Variants in ZNF385D observed in about 807,000 individuals in gnomAD.
ZNF385D encodes the protein zinc finger protein 659.
Under a neutral mutation model 35.8 loss-of-function variants are expected in ZNF385D, and 15 were observed. That is an observed-to-expected ratio of 0.42 (90% CI 0.28 to 0.64). The LOEUF (loss-of-function observed/expected upper bound fraction) is 0.64, where lower values mean the gene tolerates loss of function less well. Ranked by LOEUF, ZNF385D falls within the 30% of genes least tolerant of loss-of-function variation. The pLI is 0.23. For synonymous variants in ZNF385D, 212 were observed against 186.8 expected (o/e 1.13, Z -1.10); for missense variants, 474 against 494.6 (o/e 0.96, Z 0.39).
intron 3 of ZNF385D, among the ~76,000 whole-genome samples, chr3:21,885,444 C>T (rs991197917): frequency 6.6e-6 from 1 of 151,772 alleles, no homozygotes; most frequent in Admixed American, 6.6e-5. Context: ...TAGTGAATTT[C>T]ACAAGTTTAC....
intron 3 of ZNF385D, among the ~76,000 whole-genome samples, chr3:22,167,038 T>C (rs900928039): frequency 6.6e-6 from 1 of 152,234 alleles, no homozygotes; most frequent in African/African-American, 2.4e-5. Context: ...TTGCTAGTGA[T>C]AGCGGTAGGA....
At chr3:21,967,374 T>G (rs981359309) in intron 3 of ZNF385D, among the ~76,000 whole-genome samples, 2 of 152,222 alleles carry the variant, frequency 1.3e-5, no homozygotes, top group Non-Finnish European at 2.9e-5. Flanking sequence ...AAAAATTGAA[T>G]AAATCAAAAT....
chr3:21,438,218 C>G (rs1701671155), intron 4 of ZNF385D, among the ~76,000 whole-genome samples: 1 of 152,110 alleles, frequency 6.6e-6, no homozygotes, highest in Non-Finnish European at 1.5e-5. Context: ...TCCTATCTAC[C>G]CATATACTAC....
intron 3 of ZNF385D, among the ~76,000 whole-genome samples, chr3:22,138,558 A>C (rs567022709): frequency 1.9e-4 from 29 of 151,452 alleles, no homozygotes; most frequent in South Asian, 6.3e-4. Flanking sequence ...CAAAAACAAG[A>C]AATGGGGAAA....
intron 2 of ZNF385D, among the ~76,000 whole-genome samples, chr3:22,267,552 C>T (rs1425481593): frequency 1.3e-5 from 2 of 151,804 alleles, no homozygotes; most frequent in Non-Finnish European, 2.9e-5. Context: ...ATCAATATTT[C>T]TCAGTAAGAA....
At chr3:22,201,626 G>A (rs559232322) in intron 2 of ZNF385D, among the ~76,000 whole-genome samples, 1 of 152,096 alleles carries the variant, frequency 6.6e-6, no homozygotes. Flanking sequence ...ATTGCCTTGA[G>A]ATGTTTAAGT....
intron 1 of ZNF385D, among the ~76,000 whole-genome samples, chr3:21,701,381 G>A (rs1559532078): frequency 2.6e-5 from 4 of 152,126 alleles, no homozygotes; most frequent in South Asian, 4.2e-4. Flanking sequence ...TCACCATCAT[G>A]AGAATAGCAC....
At chr3:22,158,701 C>T (rs1234022402) in intron 3 of ZNF385D, among the ~76,000 whole-genome samples, 1 of 151,814 alleles carries the variant, frequency 6.6e-6, no homozygotes, top group Non-Finnish European at 1.5e-5. Flanking sequence ...CACATTCATG[C>T]CATTGCTTAG....
intron 2 of ZNF385D, among the ~76,000 whole-genome samples, chr3:22,305,475 A>G (rs1015932635): frequency 1.9e-4 from 29 of 152,170 alleles, no homozygotes; most frequent in Admixed American, 1.7e-3. Flanking sequence ...TCTTGCTCCT[A>G]ACTCATGTTC....
intron 3 of ZNF385D, among the ~76,000 whole-genome samples, chr3:22,095,165 C>T (rs1269200312): frequency 1.4e-5 from 2 of 148,130 alleles, no homozygotes; most frequent in African/African-American, 5.0e-5. Flanking sequence ...AAACTCCTGG[C>T]CTCAAGTAGT....
intron 3 of ZNF385D, among the ~76,000 whole-genome samples, chr3:21,997,083 G>C (rs1695510173): frequency 6.6e-6 from 1 of 151,592 alleles, no homozygotes. Flanking sequence ...CAATAGCAAA[G>C]ACTTGGAACC....
intron 2 of ZNF385D, among the ~76,000 whole-genome samples, chr3:21,622,807 T>A (rs2065041732): frequency 6.6e-6 from 1 of 152,136 alleles, no homozygotes; most frequent in Non-Finnish European, 1.5e-5. Flanking sequence ...AGGCTTATTT[T>A]AACCAAAATT....
intron 3 of ZNF385D, chr3:22,168,779 T>A (rs1163730975): frequency 3.1e-5 from 30 of 972,684 alleles, no homozygotes; most frequent in Non-Finnish European, 3.2e-5. Flanking sequence ...CTTAAATTGA[T>A]GATGTAAAAT....
At chr3:21,492,490 A>C (rs1705505206) in intron 4 of ZNF385D, among the ~76,000 whole-genome samples, 1 of 151,792 alleles carries the variant, frequency 6.6e-6, no homozygotes, top group South Asian at 2.1e-4. Flanking sequence ...TATTACTAAA[A>C]AAAAAAAAAT....
At chr3:22,236,340 A>C (rs1699183255) in intron 2 of ZNF385D, among the ~76,000 whole-genome samples, 1 of 152,072 alleles carries the variant, frequency 6.6e-6, no homozygotes. Flanking sequence ...AGAACATTTT[A>C]TTTATTTATT....
intron 3 of ZNF385D, among the ~76,000 whole-genome samples, chr3:21,947,805 T>C (rs1701868742): frequency 6.6e-6 from 1 of 152,176 alleles, no homozygotes. Flanking sequence ...TCATTGGTGT[T>C]ATGCTTAGAA....
chr3:22,315,813 C>T (rs1402310236), intron 2 of ZNF385D, among the ~76,000 whole-genome samples: 3 of 152,098 alleles, frequency 2.0e-5, no homozygotes, highest in East Asian at 1.9e-4. Context: ...ATAATAGCCC[C>T]TCCCTAAAAC....
chr3:22,209,887 T>C (rs1026892033), intron 2 of ZNF385D, among the ~76,000 whole-genome samples: 2 of 151,852 alleles, frequency 1.3e-5, no homozygotes, highest in African/African-American at 4.8e-5. Context: ...TAAATAAGCA[T>C]AAATATTAAT....
At chr3:21,866,995 C>T (rs898519662) in intron 3 of ZNF385D, among the ~76,000 whole-genome samples, 2 of 152,090 alleles carry the variant, frequency 1.3e-5, no homozygotes, top group Non-Finnish European at 2.9e-5. Context: ...CATAACAGAA[C>T]ACCTGACACT....
Sources: allele counts gnomAD v4.1 joint callset (sites outside exome capture counted in the v4.1 genomes callset), GRCh38; gene constraint gnomAD v4.1.1; transcripts MANE v1.5; gene names NCBI Gene and HGNC (gene_info 2026-07-23, HGNC 2026-07-21).